The following GPR158 variants were observed in gnomAD, a reference collection of about 807,000 sequenced individuals.
The protein encoded by GPR158 is metabotropic glycine receptor.
GPR158 carries 30 observed loss-of-function variants against 78.2 expected under a neutral mutation model. The ratio of observed to expected loss-of-function variants is 0.38; its 90% CI spans 0.29 to 0.52. The LOEUF (loss-of-function observed/expected upper bound fraction) is 0.52. Ranked by LOEUF, GPR158 falls within the 20% of genes least tolerant of loss-of-function variation. GPR158 has a pLI of 0.83. For synonymous variants in GPR158, 581 were observed against 591.1 expected (o/e 0.98, Z 0.25); for missense variants, 1,463 against 1,523.5 (o/e 0.96, Z 0.66).
At chr10:25,346,730 C>A (rs772316787) in intron 2 of GPR158, among the ~76,000 whole-genome samples, 10 of 151,824 alleles carry the variant, frequency 6.6e-5, no homozygotes, top group African/African-American at 2.2e-4. Flanking sequence ...AAAACTTTTG[C>A]AAAAATGAAG....
intron 1 of GPR158, among the ~76,000 whole-genome samples, chr10:25,178,114 T>G (rs1233035546): frequency 6.6e-6 from 1 of 152,222 alleles, no homozygotes; most frequent in Non-Finnish European, 1.5e-5. Context: ...CTGCTTTGCA[T>G]GCGTTGTCTT....
chr10:25,407,777 C>G (rs1834533824), intron 3 of GPR158, among the ~76,000 whole-genome samples: 1 of 152,186 alleles, frequency 6.6e-6, no homozygotes, highest in Non-Finnish European at 1.5e-5. Context: ...GTCCCAGCCA[C>G]TATCAAGTCT....
chr10:25,429,312 G>A lies in GPR158; in HGVS notation c.1335+16839G>A, dbSNP rs181245676. Among the ~76,000 whole-genome samples the A allele has an allele frequency of 1.4e-3, 211 of 152,152 alleles. 1 individual carries two copies. In the Middle Eastern group the frequency reaches 0.02, roughly 15 times the overall value. On this transcript the variant is annotated intron_variant, in intron 4 of 10. Coordinates refer to ENST00000376351, the MANE Select transcript of GPR158 (RefSeq NM_020752.3). Reference sequence around the variant, plus strand: ...CTTCGAACAAATATGCATGGTATATGTCACTAAAATGCTAGAAGAAGTTTT... The same window carrying A: ...CTTCGAACAAATATGCATGGTATATATCACTAAAATGCTAGAAGAAGTTTT...
intron 2 of GPR158, among the ~76,000 whole-genome samples, chr10:25,287,631 T>C (rs551404293): frequency 2.0e-5 from 3 of 152,242 alleles, no homozygotes; most frequent in South Asian, 2.1e-4. Context: ...TTACTTAAAA[T>C]TTTAGCTGAA....
At chr10:25,239,215 G>A (rs978547569) in intron 2 of GPR158, among the ~76,000 whole-genome samples, 18 of 152,128 alleles carry the variant, frequency 1.2e-4, no homozygotes, top group Admixed American at 1.2e-3. Flanking sequence ...TGCTGGGGAA[G>A]CTTCTTTTAT....
chr10:25,223,955 G>T (rs1307415888), intron 2 of GPR158, among the ~76,000 whole-genome samples: 3 of 152,118 alleles, frequency 2.0e-5, no homozygotes, highest in Non-Finnish European at 2.9e-5. Flanking sequence ...AGCCTCTAGG[G>T]TATGTACAAC....
chr10:25,333,119 A>T (rs922283341), intron 2 of GPR158, among the ~76,000 whole-genome samples: 2 of 152,060 alleles, frequency 1.3e-5, no homozygotes, highest in African/African-American at 2.4e-5. Flanking sequence ...GTGAAGGTTC[A>T]GTTGATTATT....
intron 2 of GPR158, among the ~76,000 whole-genome samples, chr10:25,376,019 G>A (rs1294615562): frequency 1.3e-5 from 2 of 151,578 alleles, no homozygotes; most frequent in South Asian, 2.1e-4. Context: ...CATGAACATA[G>A]TATGTCTCCT....
At chr10:25,332,837 G>C (rs922230821) in intron 2 of GPR158, among the ~76,000 whole-genome samples, 2 of 152,172 alleles carry the variant, frequency 1.3e-5, no homozygotes, top group African/African-American at 4.8e-5. Flanking sequence ...ACTAAGGAAA[G>C]ATAGTTATTC....
At chr10:25,514,317 A>C (rs1158038324) in intron 5 of GPR158, among the ~76,000 whole-genome samples, 1 of 152,124 alleles carries the variant, frequency 6.6e-6, no homozygotes, top group Non-Finnish European at 1.5e-5. Flanking sequence ...AAATAAGAGT[A>C]GTTACTCCTG....
chr10:25,495,295 C>CTTTTTTTTTT lies in GPR158; in HGVS notation c.1404+28587_1404+28596dup, dbSNP rs71399976. ...TATTTTAAGCTATCATTCTTTTCTG[C>CTTTTTTTTTT]TTTTTTTTTTTTTTTTTTTTGAGAC... On this transcript the variant is annotated intron_variant, in intron 5 of 10. Coordinates refer to ENST00000376351, the MANE Select transcript of GPR158 (RefSeq NM_020752.3). 3.8e-4 allele frequency among the ~76,000 whole-genome samples: 35 copies of CTTTTTTTTTT among 91,100 alleles called. 2 individuals carry two copies. Among genetic ancestry groups the CTTTTTTTTTT allele is most frequent in the East Asian group, 8.1e-4 (2 of 2,476 alleles). 59.8% of individuals were successfully genotyped at this position (91,100 alleles called of 152,430 possible).
intron 2 of GPR158, among the ~76,000 whole-genome samples, chr10:25,302,035 A>G (rs11014497): frequency 0.027 from 4,019 of 147,556 alleles, 174 homozygotes; most frequent in African/African-American, 0.093. Context: ...TGTGAGATCT[A>G]TCTGTTTATC....
Position 25,176,271 on chromosome 10 carries a change from C to T in GPR158, c.851C>T (p.Thr284Ile). Reference protein sequence around the residue: ...NGSYKPGWLVTLSSAIYGLQP... With the variant: ...NGSYKPGWLVILSSAIYGLQP... ...AGTTACAAGCCCGGGTGGCTGGTTA[C>T]TCTTTCCTCTGCCATCTACGGGTTG... Residue 284 changes from threonine (T) to isoleucine (I), a missense_variant, in exon 1 of 11, where the codon ACT becomes ATT. By Grantham distance (89) the Thr-to-Ile change is moderately conservative. Transcript: ENST00000376351. The surrounding 1 kb of genome is among the most constrained non-coding windows in gnomAD (Gnocchi z 6.3). 6.2e-7 allele frequency: 1 copy of T among 1,609,782 alleles called. No homozygotes were observed. Among genetic ancestry groups the T allele is most frequent in the East Asian group, 2.2e-5 (1 of 44,810 alleles).
chr10:25,591,196 T>TCA (rs1335458350), intron 8 of GPR158, among the ~76,000 whole-genome samples: 1 of 152,116 alleles, frequency 6.6e-6, no homozygotes, highest in African/African-American at 2.4e-5. Flanking sequence ...TTTCAGAGTG[T>TCA]CACAATGCAA....
intron 2 of GPR158, among the ~76,000 whole-genome samples, chr10:25,292,691 A>C (rs1457954565): frequency 6.6e-6 from 1 of 152,176 alleles, no homozygotes; most frequent in African/African-American, 2.4e-5. Context: ...CCTAAATTGT[A>C]CAAAGTTGAG....
At chr10:25,241,165 CTTTCTTTCTTT>C (rs1397747343) in intron 2 of GPR158, among the ~76,000 whole-genome samples, 12 of 120,900 alleles carry the variant, frequency 9.9e-5, no homozygotes, top group Non-Finnish European at 1.7e-4. Flanking sequence ...TTCTTTCTTT[CTTTCTTTCTTT>C]CTTTCTTTCT....
intron 2 of GPR158, among the ~76,000 whole-genome samples, chr10:25,236,443 G>A (rs1247569872): frequency 6.6e-6 from 1 of 152,206 alleles, no homozygotes; most frequent in Non-Finnish European, 1.5e-5. Context: ...GGGAGGTGGA[G>A]CTTGCAGTGA....
At chr10:25,510,896 AG>A (rs747582103) in intron 5 of GPR158, among the ~76,000 whole-genome samples, 37 of 152,334 alleles carry the variant, frequency 2.4e-4, no homozygotes, top group Admixed American at 9.8e-4. Context: ...GTTATGGCTC[AG>A]TAGTATTCAC....
intron 2 of GPR158, among the ~76,000 whole-genome samples, chr10:25,362,187 A>G (rs1267787420): frequency 6.6e-6 from 1 of 151,928 alleles, no homozygotes; most frequent in Non-Finnish European, 1.5e-5. Flanking sequence ...TATCCAGATT[A>G]TTTCAGCATT....
Sources: gnomAD v4.1 joint callset for allele counts (sites outside exome capture counted in the v4.1 genomes callset) on GRCh38, gnomAD v4.1.1 for gene constraint, Gnocchi (gnomAD v3.1) non-coding constraint, MANE v1.5 for transcripts, NCBI Gene and HGNC (gene_info 2026-07-23, HGNC 2026-07-21) for gene names.